Variants in MAGI1 observed in about 807,000 individuals in gnomAD.
The protein encoded by MAGI1 is membrane associated guanylate kinase, WW and PDZ domain containing 1, also known as membrane-associated guanylate kinase, WW and PDZ domain-containing protein 1.
In MAGI1, 58 loss-of-function variants were observed where a neutral mutation model predicts 139.9. That is an observed-to-expected ratio of 0.41 (90% CI 0.34 to 0.52). MAGI1 has a LOEUF of 0.52. Ranked by LOEUF, MAGI1 falls within the 20% of genes least tolerant of loss-of-function variation. The probability of loss-of-function intolerance (pLI) is 0.12; values close to 1 mark genes in which losing one functional copy is unlikely to be tolerated. For missense variants in MAGI1, 1,874 were observed against 1,901.6 expected, an observed-to-expected ratio of 0.99 and a Z score of 0.27; for synonymous variants, 812 against 737.9, an observed-to-expected ratio of 1.10 and a Z score of -1.63.
intron 2 of MAGI1, among the ~76,000 whole-genome samples, chr3:65,558,327 G>T (rs1490949752): frequency 6.6e-6 from 1 of 152,126 alleles, no homozygotes; most frequent in Non-Finnish European, 1.5e-5. Context: ...CAAGTGGAAA[G>T]AATTACTAAG....
chr3:65,412,261 A>G (rs570370961), intron 12 of MAGI1, among the ~76,000 whole-genome samples: 1 of 152,128 alleles, frequency 6.6e-6, no homozygotes, highest in South Asian at 2.1e-4. Flanking sequence ...CTGGAACTCT[A>G]TGCCTGCAGA....
At position 65,360,968 on chromosome 3, in the gene MAGI1, A is replaced by AG. The variant is rs1401008144; in HGVS notation, c.3634+230dup. ...AAAACGTTCTCTCTGATTATCAGAA[A>AG]GGGGGCTATAAAGATCTTGTCTTAG... On this transcript the variant is annotated intron_variant, in intron 22 of 22. Coordinates refer to ENST00000402939, the MANE Select transcript of MAGI1 (RefSeq NM_001033057.2). 4.2e-6 allele frequency: 6 copies of AG among 1,426,778 alleles called. No individual in the cohort carries two copies. In the East Asian group the frequency reaches 1.5e-4, roughly 36 times the overall value. The allele number at this position is 1,426,778 out of a possible 1,614,324, so 88.4% of individuals were successfully genotyped here. A position where few individuals can be genotyped will look rare whatever the true frequency, so the allele number is the denominator to read the frequency against.
chr3:65,422,197 C>G (rs1946676391), intron 12 of MAGI1, among the ~76,000 whole-genome samples: 1 of 152,188 alleles, frequency 6.6e-6, no homozygotes, highest in Non-Finnish European at 1.5e-5. Flanking sequence ...GAAGTGCGGA[C>G]AGATGGACTG....
At chr3:65,903,841 C>T (rs1418053153) in intron 1 of MAGI1, among the ~76,000 whole-genome samples, 1 of 152,040 alleles carries the variant, frequency 6.6e-6, no homozygotes, top group Non-Finnish European at 1.5e-5. Context: ...AACCCTGTCT[C>T]TACTAAAAAT....
chr3:65,539,508 G>C (rs2079115263), intron 2 of MAGI1, among the ~76,000 whole-genome samples: 1 of 152,132 alleles, frequency 6.6e-6, no homozygotes, highest in Non-Finnish European at 1.5e-5. Context: ...GTGTTCTCTG[G>C]GACCAAGAAC....
At chr3:65,826,326 T>A (rs1164151146) in intron 1 of MAGI1, among the ~76,000 whole-genome samples, 1 of 152,230 alleles carries the variant, frequency 6.6e-6, no homozygotes, top group African/African-American at 2.4e-5. Context: ...CATAAGCATA[T>A]GCATTTCAAT....
intron 2 of MAGI1, among the ~76,000 whole-genome samples, chr3:65,527,412 T>A (rs994870793): frequency 3.3e-5 from 5 of 152,116 alleles, no homozygotes; most frequent in Admixed American, 1.3e-4. Context: ...AAACCCCATC[T>A]CTACTGAAAA....
intron 1 of MAGI1, among the ~76,000 whole-genome samples, chr3:65,913,792 T>C (rs1195962741): frequency 1.3e-5 from 2 of 152,092 alleles, no homozygotes; most frequent in African/African-American, 4.8e-5. Flanking sequence ...GGAGGAGAAA[T>C]TCCTTCGGAA....
intron 2 of MAGI1, among the ~76,000 whole-genome samples, chr3:65,545,375 A>G (rs1230376184): frequency 6.6e-6 from 1 of 152,156 alleles, no homozygotes. Context: ...AACATTTTAA[A>G]AATGTATATA....
chr3:65,433,571 G>A (rs1947617843), intron 10 of MAGI1, among the ~76,000 whole-genome samples: 1 of 152,140 alleles, frequency 6.6e-6, no homozygotes, highest in African/African-American at 2.4e-5. Context: ...CTCAGCTGCA[G>A]CCCTGTGGTA....
chr3:65,797,909 C>T (rs75424974), intron 1 of MAGI1, among the ~76,000 whole-genome samples: 9,728 of 152,230 alleles, frequency 0.064, 399 homozygotes, highest in East Asian at 0.12. Context: ...TTGGATTGGA[C>T]TGTGCTGTAC....
At chr3:65,426,659 TC>T (rs2107317659) in intron 12 of MAGI1, among the ~76,000 whole-genome samples, 1 of 152,284 alleles carries the variant, frequency 6.6e-6, no homozygotes, top group South Asian at 2.1e-4. Flanking sequence ...TCTCATTACA[TC>T]CCCACTATAC....
intron 1 of MAGI1, among the ~76,000 whole-genome samples, chr3:65,781,767 T>G (rs1330411376): frequency 6.6e-6 from 1 of 152,158 alleles, no homozygotes; most frequent in Non-Finnish European, 1.5e-5. Context: ...CGGAAGAGAT[T>G]TGCTAAAGGT....
chr3:65,867,086 G>T (rs974830057), intron 1 of MAGI1, among the ~76,000 whole-genome samples: 1 of 152,172 alleles, frequency 6.6e-6, no homozygotes, highest in Non-Finnish European at 1.5e-5. Flanking sequence ...TCCTGATCTG[G>T]AAATTGGAGA....
At chr3:65,946,080 C>A (rs1413647776) in intron 1 of MAGI1, among the ~76,000 whole-genome samples, 5 of 152,206 alleles carry the variant, frequency 3.3e-5, no homozygotes, top group African/African-American at 7.2e-5. Flanking sequence ...GCTCTCTGGG[C>A]CTGGCCCTAG....
chr3:65,684,087 T>C (rs1278761843), intron 1 of MAGI1, among the ~76,000 whole-genome samples: 2 of 148,986 alleles, frequency 1.3e-5, no homozygotes, highest in Non-Finnish European at 3.0e-5. Flanking sequence ...GGCAGGAGGA[T>C]TGCTTGAGCC....
At chr3:65,486,978 A>G (rs921617950) in intron 3 of MAGI1, among the ~76,000 whole-genome samples, 10 of 152,222 alleles carry the variant, frequency 6.6e-5, no homozygotes, top group Non-Finnish European at 1.5e-4. Context: ...TTCTCACAAT[A>G]ACCAATACAT....
intron 12 of MAGI1, among the ~76,000 whole-genome samples, chr3:65,423,384 GCACACA>G (rs71102855): frequency 6.6e-6 from 1 of 151,446 alleles, no homozygotes; most frequent in Non-Finnish European, 1.5e-5. Context: ...GCACACACGC[GCACACA>G]CACACACACA....
chr3:65,441,411 T>TATTA (rs1237106813), intron 8 of MAGI1, among the ~76,000 whole-genome samples: 1 of 152,246 alleles, frequency 6.6e-6, no homozygotes, highest in Non-Finnish European at 1.5e-5. Flanking sequence ...TCTTAATTTC[T>TATTA]ATTAAAGGCC....
Sources: allele counts gnomAD v4.1 joint callset (sites outside exome capture counted in the v4.1 genomes callset), GRCh38; gene constraint gnomAD v4.1.1; transcripts MANE v1.5; gene names NCBI Gene and HGNC (gene_info 2026-07-23, HGNC 2026-07-21).